The following ATXN8OS variants were observed in gnomAD, a reference collection of about 807,000 sequenced individuals.
ATXN8OS encodes ATXN8 opposite strand lncRNA, also known as ATXN8 opposite strand (non-protein coding).
At chr13:70,114,177 C>T (rs558818576) in intron 1 of ATXN8OS, among the ~76,000 whole-genome samples, 1 of 152,212 alleles carries the variant, frequency 6.6e-6, no homozygotes, top group Admixed American at 6.5e-5. Flanking sequence ...CTCAGTTTTA[C>T]ACCCAGTCAG....
chr13:70,107,559 C>A (rs1888101565), upstream of ATXN8OS: 2 of 1,607,378 alleles, frequency 1.2e-6, no homozygotes, highest in Non-Finnish European at 1.7e-6. Context: ...GTCCCCAGTG[C>A]TCAAAGCTGC....
chr13:70,117,673 C>T (rs1005957391), intron 2 of ATXN8OS, among the ~76,000 whole-genome samples: 5 of 152,038 alleles, frequency 3.3e-5, no homozygotes, highest in African/African-American at 1.2e-4. Flanking sequence ...TTTGTATAAC[C>T]TTGGGCAAAG....
intron 3 of ATXN8OS, chr13:70,139,385 T>G (rs1888669726): frequency 3.1e-6 from 1 of 318,910 alleles, no homozygotes; most frequent in Non-Finnish European, 4.9e-6. Flanking sequence ...CTACTACTAC[T>G]GCTGCTGCTG....
chr13:70,139,380 A>ACTGCTACTACTACTACTGCTACTACTG, intron 3 of ATXN8OS: 2 of 574,176 alleles, frequency 3.5e-6, no homozygotes, highest in Non-Finnish European at 3.0e-6. Flanking sequence ...TACTACTACT[A>ACTGCTACTACTACTACTGCTACTACTG]CTACTGCTGC....
At chr13:70,129,401 GTGT>G (rs1265076652) in intron 2 of ATXN8OS, among the ~76,000 whole-genome samples, 30 of 143,920 alleles carry the variant, frequency 2.1e-4, no homozygotes, top group African/African-American at 5.6e-4. Context: ...GTGTGTGTGT[GTGT>G]TATGTTTTCA....
At chr13:70,126,459 C>T (rs936079518) in intron 2 of ATXN8OS, among the ~76,000 whole-genome samples, 6 of 151,956 alleles carry the variant, frequency 3.9e-5, no homozygotes, top group African/African-American at 9.7e-5. Context: ...ATAAATTAGG[C>T]TAAGTTGTGC....
At chr13:70,108,096 T>C (rs1888122444) in intron 1 of ATXN8OS, 2 of 414,930 alleles carry the variant, frequency 4.8e-6, no homozygotes, top group Non-Finnish European at 8.5e-6. Flanking sequence ...CGGCTGCAGC[T>C]GGATACACCT....
intron 2 of ATXN8OS, among the ~76,000 whole-genome samples, chr13:70,121,422 C>T (rs535816368): frequency 1.8e-4 from 28 of 151,926 alleles, no homozygotes; most frequent in Non-Finnish European, 4.0e-4. Context: ...TGAAGTCTTT[C>T]AAGGAGGGAA....
chr13:70,120,217 C>T (rs1183901381), intron 2 of ATXN8OS, among the ~76,000 whole-genome samples: 2 of 151,772 alleles, frequency 1.3e-5, no homozygotes, highest in Admixed American at 6.6e-5. Context: ...AATAGGATAT[C>T]CCAAAAGAAA....
intron 4 of ATXN8OS, among the ~76,000 whole-genome samples, chr13:70,165,134 C>A (rs1266829242): frequency 6.6e-6 from 1 of 151,740 alleles, no homozygotes; most frequent in Non-Finnish European, 1.5e-5. Context: ...CAATTTTGAG[C>A]TTTCAAGCCT....
chr13:70,107,782 G>C (rs1341212269), exon 1 of ATXN8OS: 7 of 1,110,962 alleles, frequency 6.3e-6, no homozygotes, highest in Non-Finnish European at 8.7e-6. Context: ...CGGGGCCCGG[G>C]GGCGGAGGAA....
At chr13:70,162,089 A>G (rs1889016546) in intron 4 of ATXN8OS, among the ~76,000 whole-genome samples, 1 of 152,022 alleles carries the variant, frequency 6.6e-6, no homozygotes, top group Admixed American at 6.6e-5. Flanking sequence ...ATAAAGGAGA[A>G]AAAGGAAGAG....
chr13:70,165,377 G>A (rs757125115), intron 4 of ATXN8OS, among the ~76,000 whole-genome samples: 6 of 151,784 alleles, frequency 4.0e-5, no homozygotes, highest in African/African-American at 7.2e-5. Context: ...GGTTATTCCT[G>A]CATAGTTGTA....
rs141294123 is a variant in ATXN8OS at position 70,141,680 on chromosome 13, C to T, written n.500-5675C>T. ...AGTGTTGTTTTGTTACTTTTTGCCC[C>T]ACTCAAACTCCAAAAAAGCCAGGAA... On this transcript the variant is annotated intron_variant and non_coding_transcript_variant, in intron 3 of 4. Transcript: ENST00000678624. 4.0e-5 allele frequency among the ~76,000 whole-genome samples: 6 copies of T among 151,824 alleles called. No individual in the cohort carries two copies. In the East Asian group the frequency reaches 1.2e-3, roughly 29 times the overall value.
exon 5 of ATXN8OS, among the ~76,000 whole-genome samples, chr13:70,170,504 G>T (rs548158892): frequency 1.3e-5 from 2 of 152,046 alleles, no homozygotes; most frequent in African/African-American, 4.8e-5. Context: ...ACATAAATTA[G>T]ATCCTGAAGG....
At chr13:70,128,067 A>G (rs1263570067) in intron 2 of ATXN8OS, among the ~76,000 whole-genome samples, 1 of 152,016 alleles carries the variant, frequency 6.6e-6, no homozygotes, top group East Asian at 1.9e-4. Context: ...GAATTTTACT[A>G]GGGATAGGTT....
chr13:70,167,887 C>T (rs529748167), intron 4 of ATXN8OS, among the ~76,000 whole-genome samples: 4 of 151,804 alleles, frequency 2.6e-5, no homozygotes, highest in East Asian at 3.9e-4. Context: ...AGGCGTGTGC[C>T]GCCACTCCTG....
chr13:70,112,837 G>C (rs868460807), intron 1 of ATXN8OS, among the ~76,000 whole-genome samples: 1 of 150,868 alleles, frequency 6.6e-6, no homozygotes, highest in South Asian at 2.1e-4. Context: ...AATATTGACA[G>C]TGGTTTATGA....
chr13:70,122,967 T>C (rs9572375), intron 2 of ATXN8OS, among the ~76,000 whole-genome samples: 1 of 151,918 alleles, frequency 6.6e-6, no homozygotes, highest in Non-Finnish European at 1.5e-5. Flanking sequence ...TGTTTTCTAA[T>C]TTGTAAAACT....
Sources: allele counts gnomAD v4.1 joint callset (sites outside exome capture counted in the v4.1 genomes callset), GRCh38; gene constraint gnomAD v4.1.1; transcripts MANE v1.5; gene names NCBI Gene and HGNC (gene_info 2026-07-23, HGNC 2026-07-21).